The following FBXW11 variants were observed in gnomAD, a reference collection of about 807,000 sequenced individuals.
FBXW11 encodes F-box and WD repeat domain containing 11, also known as F-box/WD repeat-containing protein 11.
FBXW11 carries 19 observed loss-of-function variants against 77.6 expected under a neutral mutation model. That is an observed-to-expected ratio of 0.24 (90% CI 0.17 to 0.36). The LOEUF is 0.36. Ranked by LOEUF, FBXW11 falls within the 10% of genes least tolerant of loss-of-function variation. FBXW11 has a pLI of 1.00. For synonymous variants in FBXW11, 235 were observed against 249.4 expected (o/e 0.94, Z 0.54); for missense variants, 334 against 704.2 (o/e 0.47, Z 5.95).
chr5:171,924,983 C>T (rs962052700), intron 2 of FBXW11, among the ~76,000 whole-genome samples: 5 of 152,180 alleles, frequency 3.3e-5, no homozygotes, highest in African/African-American at 1.2e-4. Flanking sequence ...GGCTACAGCA[C>T]GCCTGGCCCC....
At chr5:171,949,962 TCACA>T (rs1763218641) in intron 2 of FBXW11, among the ~76,000 whole-genome samples, 1 of 152,106 alleles carries the variant, frequency 6.6e-6, no homozygotes, top group Non-Finnish European at 1.5e-5. Context: ...AAGAAAATAA[TCACA>T]GAAGTATACA....
chr5:171,892,423 C>G (rs932613058), intron 6 of FBXW11, among the ~76,000 whole-genome samples: 6 of 152,218 alleles, frequency 3.9e-5, no homozygotes, highest in Admixed American at 3.9e-4. Flanking sequence ...ATCGGACTAG[C>G]TGGAAATCAC....
intron 2 of FBXW11, among the ~76,000 whole-genome samples, chr5:171,935,546 T>G (rs1762429905): frequency 1.3e-5 from 2 of 152,040 alleles, no homozygotes; most frequent in African/African-American, 4.8e-5. Context: ...CTAAGACAAT[T>G]GTTAGACTTT....
At chr5:171,975,899 A>G in intron 1 of FBXW11, among the ~76,000 whole-genome samples, 1 of 152,210 alleles carries the variant, frequency 6.6e-6, no homozygotes, top group East Asian at 1.9e-4. Flanking sequence ...TGGGGGGAGG[A>G]ATTCTGGGAT....
At chr5:171,952,854 T>A (rs941877595) in intron 2 of FBXW11, among the ~76,000 whole-genome samples, 1 of 151,608 alleles carries the variant, frequency 6.6e-6, no homozygotes, top group African/African-American at 2.4e-5. Flanking sequence ...ATTATGAGAT[T>A]TTTTTTCTTT....
chr5:171,923,380 CA>C (rs1270400875), intron 2 of FBXW11, among the ~76,000 whole-genome samples: 1 of 152,166 alleles, frequency 6.6e-6, no homozygotes, highest in East Asian at 1.9e-4. Context: ...TTTTGATAAA[CA>C]GAAGTAATAA....
At chr5:171,994,357 T>A (rs1196903633) in intron 1 of FBXW11, among the ~76,000 whole-genome samples, 1 of 152,158 alleles carries the variant, frequency 6.6e-6, no homozygotes, top group Non-Finnish European at 1.5e-5. Flanking sequence ...ACCTACCTCA[T>A]TAGGTTACTA....
At chr5:171,883,477 T>C (rs1428976382) in intron 7 of FBXW11, among the ~76,000 whole-genome samples, 4 of 152,126 alleles carry the variant, frequency 2.6e-5, no homozygotes, top group Non-Finnish European at 2.9e-5. Context: ...TGTATACATA[T>C]GTAACAAACC....
At chr5:171,968,389 C>T (rs1182487047) in intron 1 of FBXW11, among the ~76,000 whole-genome samples, 2 of 148,694 alleles carry the variant, frequency 1.3e-5, no homozygotes, top group Admixed American at 6.8e-5. Flanking sequence ...ACCCGGGAGG[C>T]GGAGCTTGCA....
intron 2 of FBXW11, among the ~76,000 whole-genome samples, chr5:171,930,567 C>T (rs954267867): frequency 6.6e-6 from 1 of 151,882 alleles, no homozygotes; most frequent in Non-Finnish European, 1.5e-5. Context: ...ATCTTAAGTA[C>T]CCAGGGACAC....
At chr5:171,971,711 G>A (rs1764542470) in intron 1 of FBXW11, among the ~76,000 whole-genome samples, 1 of 152,224 alleles carries the variant, frequency 6.6e-6, no homozygotes, top group South Asian at 2.1e-4. Context: ...GGCTGGGCAT[G>A]GTGGCTCACA....
At chr5:171,958,193 G>A (rs1158643792) in intron 1 of FBXW11, among the ~76,000 whole-genome samples, 1 of 152,294 alleles carries the variant, frequency 6.6e-6, no homozygotes, top group African/African-American at 2.4e-5. Context: ...AAGGTTAAGT[G>A]ATTCGCGCAA....
chr5:171,924,661 A>G (rs914334942), intron 2 of FBXW11, among the ~76,000 whole-genome samples: 1 of 152,074 alleles, frequency 6.6e-6, no homozygotes, highest in African/African-American at 2.4e-5. Flanking sequence ...GCAGCCCCGC[A>G]TGACAGGAAG....
rs577775410 is a variant in FBXW11, at chr5:171,962,108, CT to C, written c.46-4411del. 1.2e-4 allele frequency among the ~76,000 whole-genome samples: 18 copies of C among 151,302 alleles called. No homozygotes were observed. The East Asian group carries it at 1.7e-3, about 15-fold the overall frequency. On this transcript the variant is annotated intron_variant, in intron 1 of 13. Transcript: ENST00000517395. ...TAAATTCACAGTACAGACGATTGTC[CT>C]TTTTTTTTAAGTGAGCAGTGTTCTT...
chr5:171,939,888 T>C (rs183562031), intron 2 of FBXW11, among the ~76,000 whole-genome samples: 246 of 152,224 alleles, frequency 1.6e-3, no homozygotes, highest in African/African-American at 5.7e-3. Context: ...GGTGCTCAAA[T>C]TCCTTATATA....
chr5:171,925,639 C>G (rs1199250584), intron 2 of FBXW11, among the ~76,000 whole-genome samples: 1 of 152,154 alleles, frequency 6.6e-6, no homozygotes, highest in Non-Finnish European at 1.5e-5. Flanking sequence ...TGCCACCGTG[C>G]CTGGCTAATT....
intron 7 of FBXW11, among the ~76,000 whole-genome samples, chr5:171,879,459 T>G (rs1477920671): frequency 6.6e-6 from 1 of 152,234 alleles, no homozygotes; most frequent in Non-Finnish European, 1.5e-5. Flanking sequence ...TTCAATTCTG[T>G]TGTGTAAATA....
chr5:171,935,207 T>G (rs543518227), intron 2 of FBXW11, among the ~76,000 whole-genome samples: 1 of 152,286 alleles, frequency 6.6e-6, no homozygotes, highest in South Asian at 2.1e-4. Flanking sequence ...TCTGCCCACC[T>G]CGGCCTCCCA....
chr5:171,962,345 G>A lies in FBXW11; in HGVS notation c.46-4647C>T, dbSNP rs139426998. On this transcript the variant is annotated intron_variant, in intron 1 of 13. Transcript: ENST00000517395. The stretch of plus-strand genomic sequence containing the variant: ...ACTTTGGAGGGTCAAAAATTGCCAA[G>A]ATACATTTGTTATAATTTCGTATTT... Among the ~76,000 whole-genome samples, 124 of 152,234 alleles carry A rather than the reference G, an allele frequency of 8.1e-4. 1 individual carries two copies. The East Asian group carries it at 0.02, about 25-fold the overall frequency.
Sources: allele counts gnomAD v4.1 joint callset (sites outside exome capture counted in the v4.1 genomes callset), GRCh38; gene constraint gnomAD v4.1.1; transcripts MANE v1.5; gene names NCBI Gene and HGNC (gene_info 2026-07-23, HGNC 2026-07-21).